The following DCLK1 variants were observed in gnomAD, a reference collection of about 807,000 sequenced individuals.
DCLK1 encodes the protein doublecortin like kinase 1, also known as serine/threonine-protein kinase DCLK1.
DCLK1 carries 16 observed loss-of-function variants against 86.2 expected under a neutral mutation model. The observed-to-expected ratio is 0.19, with a 90% CI of 0.13 to 0.28. DCLK1 has a LOEUF of 0.28. DCLK1 is among the 10% of genes least tolerant of loss of function. DCLK1 has a pLI of 1.00. For synonymous variants in DCLK1, 369 were observed against 370.5 expected, an observed-to-expected ratio of 1.00 and a Z score of 0.05; for missense variants, 590 against 940.2, an observed-to-expected ratio of 0.63 and a Z score of 4.87.
chr13:35,849,006 G>C, intron 6 of DCLK1: 1 of 985,282 alleles, frequency 1.0e-6, no homozygotes, highest in South Asian at 4.7e-5. Flanking sequence ...GTATTATTAT[G>C]AACTGTTCTT....
At position 35,829,510 on chromosome 13, in the gene DCLK1, A is replaced by G. The variant is rs537690176; in HGVS notation, c.1230-1203T>C. ...TCTTCAGTATGGTGAATTAAGTGGG[A>G]TTTCCTGGTTATATGGTTACAGCAA... is the stretch of plus-strand genomic sequence containing the variant. On this transcript the variant is annotated intron_variant, in intron 8 of 16. Transcript: ENST00000360631. Among the ~76,000 whole-genome samples the G allele has an allele frequency of 2.3e-3, 350 of 152,274 alleles. 3 individuals are homozygous for G. The highest frequency in any genetic ancestry group is 4.1e-3 in the Non-Finnish European group (278 of 68,030).
At chr13:36,076,006 C>T (rs186184545) in intron 3 of DCLK1, among the ~76,000 whole-genome samples, 8 of 152,252 alleles carry the variant, frequency 5.3e-5, no homozygotes, top group South Asian at 2.1e-4. Context: ...GCCTGGGCAA[C>T]GGAAGCAGGC....
chr13:35,988,933 C>T (rs1025230159), intron 3 of DCLK1, among the ~76,000 whole-genome samples: 3 of 152,278 alleles, frequency 2.0e-5, no homozygotes, highest in East Asian at 1.9e-4. Flanking sequence ...ATCATCAGCA[C>T]ACGCCATGAA....
At chr13:36,112,540 T>A (rs1885652066) in intron 2 of DCLK1, among the ~76,000 whole-genome samples, 1 of 152,212 alleles carries the variant, frequency 6.6e-6, no homozygotes. Flanking sequence ...AAATATTCTT[T>A]GGGAATTAGA....
In DCLK1 at chr13:36,064,581, C is replaced by A. The variant is rs537631585; in HGVS notation, c.723+47288G>T. Among the ~76,000 whole-genome samples, 30 of 151,872 alleles carry A rather than the reference C, an allele frequency of 2.0e-4. 1 individual carries two copies. In the South Asian group the frequency reaches 5.0e-3, roughly 25 times the overall value. ...GGCTGAGGCAGGAGAATATCTTGAA[C>A]CAGGGGGTCAGAAGTTGCAGTGAGC... On this transcript the variant is annotated intron_variant, in intron 3 of 16. Transcript: ENST00000360631.
In DCLK1 at chr13:35,851,995, A is replaced by ATGTG. The variant is rs1555344390; in HGVS notation, c.1035+2500_1035+2503dup. ...GGCGCGCGTGTGTGCATGTGTGTGT[A>ATGTG]TGTGTGTGTGTGTGTGTGTGTGTGT... On this transcript the variant is annotated intron_variant, in intron 6 of 16. Transcript: ENST00000360631. 4.4e-3 allele frequency among the ~76,000 whole-genome samples: 639 copies of ATGTG among 143,602 alleles called. 4 individuals are homozygous for ATGTG. The highest frequency in any genetic ancestry group is 0.012 in the African/African-American group (456 of 39,612). The allele number at this position is 143,602 out of a possible 152,430, so 94.2% of individuals were successfully genotyped here.
chr13:35,821,751 T>C (rs9545472), intron 11 of DCLK1, among the ~76,000 whole-genome samples: 43,474 of 151,022 alleles, frequency 0.29, 6,878 homozygotes, highest in African/African-American at 0.42. Flanking sequence ...GCCAGCAACA[T>C]TTATATTACT....
chr13:35,973,114 G>A (rs1037873996), intron 3 of DCLK1, among the ~76,000 whole-genome samples: 1 of 152,178 alleles, frequency 6.6e-6, no homozygotes, highest in Non-Finnish European at 1.5e-5. Context: ...TGAGGGTGGG[G>A]CTAAGGGAGG....
intron 5 of DCLK1, among the ~76,000 whole-genome samples, chr13:35,867,310 T>C (rs764525763): frequency 5.9e-5 from 9 of 152,166 alleles, no homozygotes; most frequent in African/African-American, 1.7e-4. Context: ...AAACAAAATA[T>C]GATCAGTGTT....
intron 8 of DCLK1, among the ~76,000 whole-genome samples, chr13:35,833,849 C>T (rs1257873355): frequency 1.3e-5 from 2 of 152,206 alleles, no homozygotes. Flanking sequence ...CCTCGTTCAG[C>T]AGGAGCCGAA....
At chr13:36,060,181 A>C (rs1021349980) in intron 3 of DCLK1, among the ~76,000 whole-genome samples, 18 of 152,138 alleles carry the variant, frequency 1.2e-4, no homozygotes, top group Admixed American at 1.1e-3. Flanking sequence ...AAATTTTCAT[A>C]ATCTAAGTAG....
rs749378165 is a variant in DCLK1, at chr13:35,822,762, G to A, written c.1521C>T (p.Ile507=). ...TCTCTGGCTTGATATCACGGTGGAC[G>A]ATGTTCAGGCTATGCAGGTATTTGA... is the stretch of plus-strand genomic sequence containing the variant. ...SAIKYLHSLN[I]VHRDIKPENL... The change falls in exon 11 of 17, where the codon ATC becomes ATT. Residue 507 remains isoleucine, a synonymous_variant. Coordinates refer to ENST00000360631, the MANE Select transcript of DCLK1 (RefSeq NM_001330071.2). The A allele has an allele frequency of 3.3e-5, 54 of 1,613,866 alleles. No individual in the cohort carries two copies. Among genetic ancestry groups the A allele is most frequent in the Non-Finnish European group, 4.0e-5 (47 of 1,179,986 alleles).
chr13:35,946,983 G>A (rs529838912), intron 4 of DCLK1, among the ~76,000 whole-genome samples: 43 of 152,184 alleles, frequency 2.8e-4, no homozygotes, highest in African/African-American at 7.2e-4. Flanking sequence ...GAAGCCACCT[G>A]AAAGCTGAGC....
intron 3 of DCLK1, among the ~76,000 whole-genome samples, chr13:35,967,358 T>A (rs1284642069): frequency 6.6e-6 from 1 of 152,212 alleles, no homozygotes; most frequent in African/African-American, 2.4e-5. Flanking sequence ...CAGGCCATGA[T>A]GACGATGGCG....
intron 3 of DCLK1, among the ~76,000 whole-genome samples, chr13:35,968,951 G>A (rs1593778519): frequency 6.6e-6 from 1 of 152,094 alleles, no homozygotes; most frequent in Admixed American, 6.5e-5. Context: ...AACCAACAAG[G>A]AAACAAAATG....
At chr13:35,939,592 T>C (rs1229851559) in intron 4 of DCLK1, among the ~76,000 whole-genome samples, 1 of 152,136 alleles carries the variant, frequency 6.6e-6, no homozygotes, top group Non-Finnish European at 1.5e-5. Context: ...AGATGGGGTT[T>C]CACCATGTTG....
chr13:35,852,524 TG>T (rs1404705579), intron 6 of DCLK1, among the ~76,000 whole-genome samples: 1 of 152,220 alleles, frequency 6.6e-6, no homozygotes, highest in African/African-American at 2.4e-5. Flanking sequence ...CAAATGGGAT[TG>T]TTTTTTTCTC....
At chr13:35,985,232 G>A (rs1448917561) in intron 3 of DCLK1, among the ~76,000 whole-genome samples, 1 of 152,152 alleles carries the variant, frequency 6.6e-6, no homozygotes, top group Non-Finnish European at 1.5e-5. Context: ...GGTGTGGAAA[G>A]CCAATAAGCC....
At chr13:35,908,933 G>T (rs1874838345) in intron 4 of DCLK1, among the ~76,000 whole-genome samples, 1 of 152,210 alleles carries the variant, frequency 6.6e-6, no homozygotes, top group Non-Finnish European at 1.5e-5. Context: ...ACCACATCTG[G>T]CCGATTCATA....
Sources: gnomAD v4.1 joint callset for allele counts (sites outside exome capture counted in the v4.1 genomes callset) on GRCh38, gnomAD v4.1.1 for gene constraint, MANE v1.5 for transcripts, NCBI Gene and HGNC (gene_info 2026-07-23, HGNC 2026-07-21) for gene names.